The following TENM3 variants were observed in gnomAD, a reference collection of about 807,000 sequenced individuals.
The protein encoded by TENM3 is teneurin transmembrane protein 3, also known as teneurin-3.
A neutral mutation model predicts 255.1 loss-of-function variants in TENM3; 63 were observed. The ratio of observed to expected loss-of-function variants is 0.25; its 90% CI spans 0.20 to 0.30. The LOEUF is 0.30. Ranked by LOEUF, TENM3 falls within the 10% of genes least tolerant of loss-of-function variation. TENM3 has a pLI of 1.00. For synonymous variants in TENM3, 1,306 were observed against 1,322.3 expected, an observed-to-expected ratio of 0.99 and a Z score of 0.27; for missense variants, 2,929 against 3,461.1, an observed-to-expected ratio of 0.85 and a Z score of 3.86.
At chr4:181,623,168 T>C in the TENM3 span, among the ~76,000 whole-genome samples, 2 of 152,222 alleles carry the variant, frequency 1.3e-5, no homozygotes, top group African/African-American at 4.8e-5. Flanking sequence ...CCATCAGACC[T>C]GGGCTCGAAT....
chr4:181,915,875 A>T, the TENM3 span, among the ~76,000 whole-genome samples: 1 of 152,166 alleles, frequency 6.6e-6, no homozygotes, highest in African/African-American at 2.4e-5. Flanking sequence ...GATATTATTA[A>T]GATCCGTACC....
At chr4:182,175,342 A>C (rs1407398099) in intron 1 of TENM3, among the ~76,000 whole-genome samples, 1 of 145,170 alleles carries the variant, frequency 6.9e-6, no homozygotes, top group Non-Finnish European at 1.5e-5. Context: ...TATACACACA[A>C]GTATTTGCAA....
Position 182,688,248 on chromosome 4 carries a change from C to T in TENM3, c.2118C>T (p.Ala706=), listed in dbSNP as rs181769874. 951 of 1,613,950 alleles carry T rather than the reference C, an allele frequency of 5.9e-4. 4 individuals carry two copies. In the African/African-American group the frequency reaches 0.011, roughly 19 times the overall value. Residue 706 remains alanine, a synonymous_variant, in exon 12 of 28, where the codon GCC becomes GCT. Transcript: ENST00000511685. ...CRCEEGWTGP[A]CNQRACHPRC... is the part of the protein sequence containing the mutation. ...GTGAAGAAGGCTGGACGGGCCCAGC[C>T]TGTAATCAGAGAGCCTGCCACCCCC...
intron 3 of TENM3, among the ~76,000 whole-genome samples, chr4:182,439,551 C>T (rs377637103): frequency 4.6e-5 from 7 of 152,286 alleles, no homozygotes; most frequent in African/African-American, 1.7e-4. Flanking sequence ...GTTTCAGGCA[C>T]ATAATAGGCA....
the TENM3 span, among the ~76,000 whole-genome samples, chr4:181,463,063 AATTC>A: frequency 1.3e-5 from 2 of 152,224 alleles, no homozygotes; most frequent in Non-Finnish European, 2.9e-5. Context: ...AACGTGACAT[AATTC>A]ATTATCATAG....
the TENM3 span, among the ~76,000 whole-genome samples, chr4:181,528,886 TAC>T: frequency 2.6e-3 from 299 of 114,398 alleles, no homozygotes; most frequent in African/African-American, 7.9e-3. Flanking sequence ...CACACACACA[TAC>T]ACACACACAC....
At chr4:182,233,209 C>T (rs1417568356) in intron 1 of TENM3, among the ~76,000 whole-genome samples, 1 of 152,158 alleles carries the variant, frequency 6.6e-6, no homozygotes, top group East Asian at 1.9e-4. Context: ...GAGGGAATGA[C>T]AGAAATTCCC....
chr4:182,056,739 G>A, the TENM3 span, among the ~76,000 whole-genome samples: 1 of 152,020 alleles, frequency 6.6e-6, no homozygotes, highest in Non-Finnish European at 1.5e-5. Context: ...GTTATCCACT[G>A]TTAATTCTTA....
At chr4:181,538,592 C>T in the TENM3 span, among the ~76,000 whole-genome samples, 1 of 152,054 alleles carries the variant, frequency 6.6e-6, no homozygotes, top group Non-Finnish European at 1.5e-5. Context: ...AGACTTTGTT[C>T]CATAGAACAC....
chr4:181,643,186 C>T, the TENM3 span, among the ~76,000 whole-genome samples: 1 of 152,028 alleles, frequency 6.6e-6, no homozygotes, highest in African/African-American at 2.4e-5. Context: ...CTCTTATTTC[C>T]TTGAGCAGTG....
At chr4:182,790,625 G>T (rs1258393905) in intron 25 of TENM3, among the ~76,000 whole-genome samples, 1 of 152,112 alleles carries the variant, frequency 6.6e-6, no homozygotes, top group Non-Finnish European at 1.5e-5. Flanking sequence ...TCACCTGTCC[G>T]CTCTCATCAG....
chr4:182,449,511 A>G (rs1464496548), intron 3 of TENM3, among the ~76,000 whole-genome samples: 2 of 152,012 alleles, frequency 1.3e-5, no homozygotes, highest in African/African-American at 4.8e-5. Flanking sequence ...CGTGAGGCAA[A>G]GCTGCCCTTT....
the TENM3 span, among the ~76,000 whole-genome samples, chr4:181,857,738 C>T: frequency 6.6e-6 from 1 of 151,562 alleles, no homozygotes. Flanking sequence ...AGCCTGGTGA[C>T]AGAGAGAGAT....
chr4:182,700,710 T>G (rs1020742811), intron 12 of TENM3, among the ~76,000 whole-genome samples: 8 of 152,210 alleles, frequency 5.3e-5, no homozygotes, highest in Non-Finnish European at 1.0e-4. Flanking sequence ...CCAGCTGCTT[T>G]TCCATTAAAC....
At chr4:181,616,039 G>T in the TENM3 span, among the ~76,000 whole-genome samples, 2 of 149,466 alleles carry the variant, frequency 1.3e-5, no homozygotes, top group African/African-American at 4.9e-5. Flanking sequence ...GAGAGAAAGA[G>T]AACATGTTTC....
chr4:182,439,976 CT>C (rs2151247529), intron 3 of TENM3, among the ~76,000 whole-genome samples: 1 of 152,268 alleles, frequency 6.6e-6, no homozygotes, highest in Admixed American at 6.5e-5. Flanking sequence ...TCCAGCTTGG[CT>C]GGTTGCTGTC....
chr4:181,551,132 TC>T, the TENM3 span, among the ~76,000 whole-genome samples: 1 of 152,290 alleles, frequency 6.6e-6, no homozygotes, highest in East Asian at 1.9e-4. Context: ...GGTAGCATGC[TC>T]CCATTCTCTC....
At chr4:182,037,403 C>T in the TENM3 span, among the ~76,000 whole-genome samples, 1 of 152,170 alleles carries the variant, frequency 6.6e-6, no homozygotes, top group Admixed American at 6.5e-5. Context: ...CCGCTTCGGC[C>T]TCCCAAAGTG....
intron 1 of TENM3, among the ~76,000 whole-genome samples, chr4:182,258,948 G>C (rs558759859): frequency 4.7e-4 from 71 of 152,308 alleles, no homozygotes; most frequent in Admixed American, 2.4e-3. Context: ...GCTATTTTTG[G>C]AGTGCTGTGC....
Sources: gnomAD v4.1 joint callset for allele counts (sites outside exome capture counted in the v4.1 genomes callset) on GRCh38, gnomAD v4.1.1 for gene constraint, MANE v1.5 for transcripts, NCBI Gene and HGNC (gene_info 2026-07-23, HGNC 2026-07-21) for gene names.